ACBD6: variants seen among roughly 807,000 people sequenced by gnomAD.
The protein encoded by ACBD6 is acyl-CoA-binding domain-containing protein 6.
ACBD6 carries 28 observed loss-of-function variants against 37.2 expected under a neutral mutation model. The observed-to-expected ratio is 0.75, with a 90% confidence interval of 0.56 to 1.03. The LOEUF (loss-of-function observed/expected upper bound fraction) is 1.03, where lower values mean the gene tolerates loss of function less well. ACBD6 is among the 50% of genes least tolerant of loss of function. The pLI is 0.00. For synonymous variants in ACBD6, 113 were observed against 126.8 expected, an observed-to-expected ratio of 0.89 and a Z score of 0.73; for missense variants, 340 against 337.4, an observed-to-expected ratio of 1.01 and a Z score of -0.06.
At chr1:180,379,723 G>T (rs1385377874) in intron 6 of ACBD6, among the ~76,000 whole-genome samples, 1 of 151,854 alleles carries the variant, frequency 6.6e-6, no homozygotes, top group African/African-American at 2.4e-5. Flanking sequence ...AAAGAAAAGA[G>T]AACAAAAAAA....
chr1:180,441,285 A>AT (rs1219488927), intron 3 of ACBD6, among the ~76,000 whole-genome samples: 5 of 152,170 alleles, frequency 3.3e-5, no homozygotes, highest in Non-Finnish European at 4.4e-5. Context: ...TTGAGAGTTC[A>AT]TTTCTGCACT....
chr1:180,319,900 G>A (rs893796188), intron 6 of ACBD6, among the ~76,000 whole-genome samples: 5 of 152,012 alleles, frequency 3.3e-5, no homozygotes, highest in South Asian at 2.1e-4. Flanking sequence ...TTATCCATTC[G>A]TTTGCTGATG....
At chr1:180,329,573 T>C (rs1019404004) in intron 6 of ACBD6, among the ~76,000 whole-genome samples, 1 of 152,248 alleles carries the variant, frequency 6.6e-6, no homozygotes, top group Non-Finnish European at 1.5e-5. Context: ...TTTATGTTCA[T>C]GTTGGTTTTA....
chr1:180,334,825 T>TG (rs1377127513), intron 6 of ACBD6, among the ~76,000 whole-genome samples: 1 of 152,084 alleles, frequency 6.6e-6, no homozygotes, highest in Non-Finnish European at 1.5e-5. Flanking sequence ...AAGGACCTGA[T>TG]GGAGCTGAAA....
At chr1:180,323,434 A>T (rs1317168107) in intron 6 of ACBD6, among the ~76,000 whole-genome samples, 5 of 152,078 alleles carry the variant, frequency 3.3e-5, no homozygotes, top group Admixed American at 6.5e-5. Context: ...TGTACAGTAT[A>T]GACTAAGTCT....
At chr1:180,320,386 A>C (rs1033044324) in intron 6 of ACBD6, among the ~76,000 whole-genome samples, 5 of 152,212 alleles carry the variant, frequency 3.3e-5, no homozygotes, top group African/African-American at 1.2e-4. Flanking sequence ...CTGTAATTCT[A>C]GCACTTTGGG....
chr1:180,413,019 C>T (rs1468718118), intron 5 of ACBD6, among the ~76,000 whole-genome samples: 1 of 152,178 alleles, frequency 6.6e-6, no homozygotes, highest in East Asian at 1.9e-4. Flanking sequence ...CCTAGCTGTT[C>T]AAGGTATAAT....
At chr1:180,334,043 G>A (rs919630175) in intron 6 of ACBD6, among the ~76,000 whole-genome samples, 18 of 152,338 alleles carry the variant, frequency 1.2e-4, no homozygotes, top group African/African-American at 3.1e-4. Flanking sequence ...GGAGCCCACC[G>A]CAGCTCAAGG....
chr1:180,461,916 C>A (rs919446792), intron 3 of ACBD6, among the ~76,000 whole-genome samples: 3 of 152,152 alleles, frequency 2.0e-5, no homozygotes, highest in Admixed American at 2.0e-4. Context: ...GGATCGAATC[C>A]ACACATAACA....
At position 180,319,255 on chromosome 1, in the gene ACBD6, C is replaced by T. The variant is rs531875887; in HGVS notation, c.664-4533G>A. Among the ~76,000 whole-genome samples the T allele has an allele frequency of 6.6e-4, 101 of 152,324 alleles. 1 individual carries two copies. The highest frequency in any genetic ancestry group is 2.3e-3 in the African/African-American group (96 of 41,568). ...ACTACGTCTTTCATCCAGTGCCTAG[C>T]TCAGTGTCTTGCATATACTGTGTGC... On this transcript the variant is annotated intron_variant, in intron 6 of 7. Coordinates refer to ENST00000367595, the MANE Select transcript of ACBD6 (RefSeq NM_032360.4).
At chr1:180,273,846 G>C (rs1429061987) in intron 11 of ACBD6, 1 of 330,538 alleles carries the variant, frequency 3.0e-6, no homozygotes, top group Admixed American at 4.5e-5. Context: ...TTGTGATGTG[G>C]AGACATCTGA....
chr1:180,374,532 T>C (rs904067845), intron 6 of ACBD6, among the ~76,000 whole-genome samples: 2 of 152,138 alleles, frequency 1.3e-5, no homozygotes, highest in African/African-American at 4.8e-5. Context: ...AAAAAGAAGA[T>C]CAACTGACAA....
intron 7 of ACBD6, among the ~76,000 whole-genome samples, chr1:180,304,099 A>G (rs1571337643): frequency 1.3e-5 from 2 of 151,060 alleles, no homozygotes; most frequent in Admixed American, 6.6e-5. Context: ...TATTGATGGG[A>G]CGTATCTCAT....
At chr1:180,466,674 T>C (rs1650359425) in intron 3 of ACBD6, among the ~76,000 whole-genome samples, 1 of 152,222 alleles carries the variant, frequency 6.6e-6, no homozygotes, top group Admixed American at 6.5e-5. Context: ...ATAGTTTGCC[T>C]ATGCACAAAA....
intron 3 of ACBD6, among the ~76,000 whole-genome samples, chr1:180,431,532 A>C (rs1648812000): frequency 6.6e-6 from 1 of 152,212 alleles, no homozygotes; most frequent in African/African-American, 2.4e-5. Context: ...ACCAAAAAAA[A>C]GTAGAGATGA....
intron 7 of ACBD6, among the ~76,000 whole-genome samples, chr1:180,293,639 C>T (rs377225247): frequency 6.6e-6 from 1 of 152,234 alleles, no homozygotes; most frequent in African/African-American, 2.4e-5. Flanking sequence ...TAGAATTCAC[C>T]AGTGAAGTAA....
intron 3 of ACBD6, among the ~76,000 whole-genome samples, chr1:180,466,376 C>T (rs913169076): frequency 6.6e-6 from 1 of 152,158 alleles, no homozygotes; most frequent in Non-Finnish European, 1.5e-5. Flanking sequence ...TTTGTGGCCA[C>T]ATTTCTATTA....
At chr1:180,498,556 T>C (rs746904404) in intron 1 of ACBD6, among the ~76,000 whole-genome samples, 1 of 152,196 alleles carries the variant, frequency 6.6e-6, no homozygotes, top group Non-Finnish European at 1.5e-5. Flanking sequence ...CAAGGGTTAA[T>C]ATTTAATAAA....
chr1:180,339,097 C>T (rs892280052), intron 6 of ACBD6, among the ~76,000 whole-genome samples: 5 of 152,136 alleles, frequency 3.3e-5, no homozygotes, highest in African/African-American at 9.7e-5. Context: ...TGTAAACTAG[C>T]TCAACCATTG....
Sources: allele counts gnomAD v4.1 joint callset (sites outside exome capture counted in the v4.1 genomes callset), GRCh38; gene constraint gnomAD v4.1.1; transcripts MANE v1.5; gene names NCBI Gene and HGNC (gene_info 2026-07-23, HGNC 2026-07-21).